The following ZC3H4 variants were observed in gnomAD, a reference collection of about 807,000 sequenced individuals.
The protein encoded by ZC3H4 is zinc finger CCCH domain-containing protein 4.
ZC3H4 carries 13 observed loss-of-function variants against 108.3 expected under a neutral mutation model. That is an observed-to-expected ratio of 0.12 (90% CI 0.08 to 0.19). ZC3H4 has a LOEUF of 0.19. ZC3H4 is among the 10% of genes least tolerant of loss of function. The probability of loss-of-function intolerance (pLI) is 1.00; values close to 1 mark genes in which losing one functional copy is unlikely to be tolerated. For synonymous variants in ZC3H4, 917 were observed against 749.6 expected (o/e 1.22, Z -3.65); for missense variants, 1,734 against 1,838.8 (o/e 0.94, Z 1.04).
At chr19:47,089,848 C>G (rs1159360376) in intron 5 of ZC3H4, 119 bp downstream of exon 5, 12 of 1,031,944 alleles carry the variant, frequency 1.2e-5, no homozygotes, top group Non-Finnish European at 1.7e-5. Context: ...CCTGGCCCTT[C>G]TTTGTACACT....
At position 47,072,128 on chromosome 19, in the gene ZC3H4, G is replaced by T. The variant is rs1451246375; in HGVS notation, c.1803-7C>A. The T allele has an allele frequency of 6.6e-7, 1 of 1,518,262 alleles. No homozygotes were observed. Among genetic ancestry groups the T allele is most frequent in the East Asian group, 2.4e-5 (1 of 42,364 alleles). 94.0% of individuals were successfully genotyped at this position (1,518,262 alleles called of 1,614,324 possible). ...TCCACCGGGTCCAGGGAACCTAGAAGAGGGAAAAGGTGCCTGTGACGGAAG... is the reference window on the plus strand; with the variant it reads ...TCCACCGGGTCCAGGGAACCTAGAATAGGGAAAAGGTGCCTGTGACGGAAG... On this transcript the variant is annotated splice_region_variant and splice_polypyrimidine_tract_variant and intron_variant, in intron 12 of 14. Coordinates refer to ENST00000253048, the MANE Select transcript of ZC3H4 (RefSeq NM_015168.2). The surrounding 1 kb of genome is among the most constrained non-coding windows in gnomAD (Gnocchi z 5.6).
At chr19:47,073,627 T>C (rs927788579) in intron 11 of ZC3H4, among the ~76,000 whole-genome samples, 3 of 152,172 alleles carry the variant, frequency 2.0e-5, no homozygotes, top group Non-Finnish European at 2.9e-5. Flanking sequence ...ACATTAACAA[T>C]GTTATGTAAC....
At chr19:47,077,750 AG>A (rs528666481) in intron 11 of ZC3H4, among the ~76,000 whole-genome samples, 44 of 151,726 alleles carry the variant, frequency 2.9e-4, no homozygotes, top group African/African-American at 1.0e-3. Flanking sequence ...TCAGCTACTC[AG>A]GAGGCTGAGG....
intron 5 of ZC3H4, 65 bp downstream of exon 5, chr19:47,089,902 G>C: frequency 6.4e-7 from 1 of 1,562,228 alleles, no homozygotes; most frequent in Non-Finnish European, 8.8e-7. Context: ...TGTGAGACCA[G>C]GCCACCGGGG....
At chr19:47,069,006 A>T (rs543373477) in intron 14 of ZC3H4, 86 bp downstream of exon 14, 1 of 1,582,886 alleles carries the variant, frequency 6.3e-7, no homozygotes, top group East Asian at 2.2e-5. Flanking sequence ...TCCTGACAGG[A>T]AACCCAACCT....
chr19:47,082,614 C>T (rs2057544637), intron 9 of ZC3H4, among the ~76,000 whole-genome samples: 1 of 152,172 alleles, frequency 6.6e-6, no homozygotes, highest in South Asian at 2.1e-4. Context: ...AGCCTGGGTA[C>T]TTCCTGAATT....
intron 2 of ZC3H4, among the ~76,000 whole-genome samples, chr19:47,103,701 C>A (rs990008404): frequency 7.1e-6 from 1 of 140,636 alleles, no homozygotes; most frequent in Admixed American, 7.3e-5. Flanking sequence ...ACGAGGCGGG[C>A]GGATCACGAG....
chr19:47,078,266 G>C (rs1264569586), intron 11 of ZC3H4, among the ~76,000 whole-genome samples: 1 of 152,108 alleles, frequency 6.6e-6, no homozygotes, highest in African/African-American at 2.4e-5. Context: ...TTCAGGTCAG[G>C]AGTTTGAAAC....
At chr19:47,087,985 A>G (rs1215040635) in intron 5 of ZC3H4, among the ~76,000 whole-genome samples, 1 of 151,416 alleles carries the variant, frequency 6.6e-6, no homozygotes, top group Non-Finnish European at 1.5e-5. Flanking sequence ...CATCCTGGCT[A>G]ACATGGTGAA....
At chr19:47,096,400 G>C (rs2057820970) in intron 2 of ZC3H4, among the ~76,000 whole-genome samples, 1 of 152,248 alleles carries the variant, frequency 6.6e-6, no homozygotes, top group Non-Finnish European at 1.5e-5. Flanking sequence ...GCGGCCCACA[G>C]AAACCAGGCG....
chr19:47,077,479 A>C (rs1353451757), intron 11 of ZC3H4, among the ~76,000 whole-genome samples: 2 of 151,956 alleles, frequency 1.3e-5, no homozygotes, highest in African/African-American at 4.8e-5. Flanking sequence ...AAAAAAAAAA[A>C]AAAACTGGTA....
intron 4 of ZC3H4, among the ~76,000 whole-genome samples, chr19:47,093,314 T>C (rs1179445578): frequency 6.6e-6 from 1 of 152,044 alleles, no homozygotes; most frequent in African/African-American, 2.4e-5. Flanking sequence ...TTTAAATTGC[T>C]GCTTGAAATG....
In ZC3H4 at chr19:47,084,413, G is replaced by A. The variant is rs1162031762; in HGVS notation, c.1150C>T (p.Pro384Ser). 2 of 1,614,098 alleles carry A rather than the reference G, an allele frequency of 1.2e-6. No homozygotes were observed. Among genetic ancestry groups the A allele is most frequent in the South Asian group, 1.1e-5 (1 of 91,086 alleles). ...GSYRSRDHDK[P>S]HQQSDKKGKV... ...CCTTTCTTGTCCGACTGCTGGTGGG[G>A]CTTGTCATGGTCACGACTCCGGTAG... Residue 384 changes from proline to serine, a missense_variant, in exon 9 of 15, where the codon CCC becomes TCC. Physicochemically the swap from Pro to Ser is moderately conservative, Grantham distance 74. Around this residue, in one of 9 missense-constraint regions of ZC3H4, gnomAD observed 403 missense variants for 457.0 expected, o/e 0.88. Coordinates refer to ENST00000253048, the MANE Select transcript of ZC3H4 (RefSeq NM_015168.2).
chr19:47,112,401 C>A, intron 2 of ZC3H4, 23 bp downstream of exon 2: 1 of 1,233,496 alleles, frequency 8.1e-7, no homozygotes, highest in Non-Finnish European at 1.0e-6. Context: ...GGGACGCAGC[C>A]CCGGCCCAAC....
rs759533502 is a variant in ZC3H4 at position 47,069,048 on chromosome 19, A to G, written c.2398+44T>C. On this transcript the variant is annotated intron_variant, in intron 14 of 14. Transcript: ENST00000253048. Reference sequence around the variant, plus strand: ...CCCCACCACCGCCGCTCCCCTGCACAGCGGCCTGGGGCCTGTGCCCCGGCC... The same window carrying G: ...CCCCACCACCGCCGCTCCCCTGCACGGCGGCCTGGGGCCTGTGCCCCGGCC... 3 of 1,600,462 alleles carry G rather than the reference A, an allele frequency of 1.9e-6. No homozygotes were observed. In the Admixed American group the frequency reaches 5.0e-5, roughly 27 times the overall value.
chr19:47,089,557 G>A (rs1247518736), intron 5 of ZC3H4, among the ~76,000 whole-genome samples: 1 of 152,192 alleles, frequency 6.6e-6, no homozygotes, highest in Non-Finnish European at 1.5e-5. Flanking sequence ...AAGGACACAG[G>A]TTCAAGGTTC....
rs184543894 is a variant in ZC3H4, at chr19:47,111,733, C to A, written c.161+691G>T. Among the ~76,000 whole-genome samples the A allele has an allele frequency of 3.3e-3, 498 of 150,926 alleles. 2 individuals carry two copies. The highest frequency in any genetic ancestry group is 0.01 in the Middle Eastern group (3 of 288). On this transcript the variant is annotated intron_variant, in intron 2 of 14. Coordinates refer to ENST00000253048, the MANE Select transcript of ZC3H4 (RefSeq NM_015168.2). ...CCTTCTAGGGGATAGCTAAAAAACACCCCCCGCCAAAAAATACAAGTGCTA... is the reference window on the plus strand; with the variant it reads ...CCTTCTAGGGGATAGCTAAAAAACAACCCCCGCCAAAAAATACAAGTGCTA...
chr19:47,093,976 A>G lies in ZC3H4; in HGVS notation c.486T>C (p.Tyr162=), dbSNP rs765546866. Reference sequence around the variant, plus strand: ...GTGCATGCCAGTCACTCACCGGCGCATATGGGGGGCTGTACTCTCTGTACT... The same window carrying G: ...GTGCATGCCAGTCACTCACCGGCGCGTATGGGGGGCTGTACTCTCTGTACT... The part of the protein sequence containing the change: ...HRKYREYSPP[Y]APSHQQYPPS... Residue 162 remains tyrosine, a synonymous_variant, in exon 4 of 15, where the codon TAT becomes TAC. Coordinates refer to ENST00000253048, the MANE Select transcript of ZC3H4 (RefSeq NM_015168.2). 3 of 1,613,254 alleles carry G rather than the reference A, an allele frequency of 1.9e-6. No individual in the cohort carries two copies. The highest frequency in any genetic ancestry group is 1.7e-5 in the Admixed American group (1 of 60,004).
At position 47,082,392 on chromosome 19, in the gene ZC3H4, G is replaced by A. The variant is rs973848622; in HGVS notation, c.1219-97C>T. 6.6e-6 allele frequency: 6 copies of A among 911,904 alleles called. No homozygotes were observed. The African/African-American group carries it at 9.6e-5, about 15-fold the overall frequency. 56.5% of individuals were successfully genotyped at this position (911,904 alleles called of 1,614,324 possible). A position where few individuals can be genotyped will look rare whatever the true frequency, so the allele number is the denominator to read the frequency against. On this transcript the variant is annotated intron_variant, in intron 9 of 14. Transcript: ENST00000253048. ...AGAAATACTGTCACTGCTGGTGCAT[G>A]GAGGGGCCAATGACAGAAACGAATC...
Sources: allele counts gnomAD v4.1 joint callset (sites outside exome capture counted in the v4.1 genomes callset), GRCh38; gene constraint gnomAD v4.1.1; regional missense constraint gnomAD v4.1.1; non-coding constraint Gnocchi (gnomAD v3.1); transcripts MANE v1.5; gene names NCBI Gene and HGNC (gene_info 2026-07-23, HGNC 2026-07-21).